REDIC1: variants seen among roughly 807,000 people sequenced by gnomAD.
REDIC1 encodes regulator of DNA class I crossover intermediates 1, also known as HEI10 Interacting Protein 1.
the REDIC1 span, among the ~76,000 whole-genome samples, chr12:39,701,235 G>A: frequency 0.02 from 3,104 of 152,236 alleles, 55 homozygotes; most frequent in South Asian, 0.029. Flanking sequence ...TAAAAGGATG[G>A]AGGAAGATCT....
the REDIC1 span, among the ~76,000 whole-genome samples, chr12:39,752,314 T>C: frequency 5.3e-5 from 8 of 152,086 alleles, no homozygotes; most frequent in Admixed American, 1.3e-4. Context: ...CAAACCCTAT[T>C]GTGAACTGTG....
the REDIC1 span, among the ~76,000 whole-genome samples, chr12:39,874,615 C>CAAAA: frequency 9.9e-6 from 1 of 101,092 alleles, no homozygotes. Flanking sequence ...AACTCCATCT[C>CAAAA]AAAAAAAAAA....
chr12:39,767,355 C>T, the REDIC1 span, among the ~76,000 whole-genome samples: 1 of 151,270 alleles, frequency 6.6e-6, no homozygotes, highest in East Asian at 2.0e-4. Flanking sequence ...AAATATTCTC[C>T]AAACTATGCT....
At chr12:39,815,145 G>A in the REDIC1 span, among the ~76,000 whole-genome samples, 4 of 152,104 alleles carry the variant, frequency 2.6e-5, no homozygotes, top group South Asian at 2.1e-4. Flanking sequence ...AATCAAAGTC[G>A]TTGGATTCCA....
At chr12:39,831,177 G>C in the REDIC1 span, among the ~76,000 whole-genome samples, 1 of 152,142 alleles carries the variant, frequency 6.6e-6, no homozygotes, top group Non-Finnish European at 1.5e-5. Flanking sequence ...AGGCAAGAAT[G>C]AGAAACAGAT....
the REDIC1 span, among the ~76,000 whole-genome samples, chr12:39,799,790 TACTAAAGCCTGG>T: frequency 2.0e-4 from 31 of 152,328 alleles, no homozygotes; most frequent in Admixed American, 1.8e-3. Flanking sequence ...ACATTCACAT[TACTAAAGCCTGG>T]CAACTGAGGA....
the REDIC1 span, among the ~76,000 whole-genome samples, chr12:39,862,271 A>G: frequency 6.6e-6 from 1 of 152,220 alleles, no homozygotes; most frequent in Middle Eastern, 3.2e-3. Context: ...CTAACCTACA[A>G]TATTTTTGGC....
chr12:39,855,569 G>A, the REDIC1 span, among the ~76,000 whole-genome samples: 1 of 152,190 alleles, frequency 6.6e-6, no homozygotes, highest in Non-Finnish European at 1.5e-5. Context: ...TGAGGAGGAA[G>A]GCTGTTTTTT....
chr12:39,747,866 C>G, the REDIC1 span, among the ~76,000 whole-genome samples: 6 of 152,138 alleles, frequency 3.9e-5, no homozygotes, highest in East Asian at 1.9e-4. Flanking sequence ...CCTTTACAGA[C>G]AAGCAAATGC....
the REDIC1 span, among the ~76,000 whole-genome samples, chr12:39,813,700 G>A: frequency 2.0e-5 from 3 of 152,304 alleles, no homozygotes; most frequent in Admixed American, 6.5e-5. Context: ...TTTTATTGGA[G>A]TAGTGGGGGA....
the REDIC1 span, among the ~76,000 whole-genome samples, chr12:39,732,877 A>G: frequency 1.3e-5 from 2 of 152,138 alleles, no homozygotes; most frequent in Non-Finnish European, 2.9e-5. Context: ...TGGCATGACA[A>G]GGTGTCTGGC....
the REDIC1 span, among the ~76,000 whole-genome samples, chr12:39,860,876 C>T: frequency 2.6e-5 from 4 of 152,146 alleles, no homozygotes; most frequent in Admixed American, 2.6e-4. Flanking sequence ...TGGTGGCACC[C>T]ACACCCACCC....
At chr12:39,803,489 T>C in the REDIC1 span, among the ~76,000 whole-genome samples, 5 of 152,040 alleles carry the variant, frequency 3.3e-5, no homozygotes, top group African/African-American at 1.2e-4. Context: ...AATTAAAAAA[T>C]AGCTACTGTA....
the REDIC1 span, among the ~76,000 whole-genome samples, chr12:39,669,811 G>A: frequency 6.6e-6 from 1 of 152,196 alleles, no homozygotes; most frequent in African/African-American, 2.4e-5. Flanking sequence ...TGCTGTGCTA[G>A]CTATGAGTGA....
chr12:39,889,157 A>G, the REDIC1 span, among the ~76,000 whole-genome samples: 1 of 152,142 alleles, frequency 6.6e-6, no homozygotes, highest in East Asian at 1.9e-4. Flanking sequence ...TTCATTTTAA[A>G]GTTTATTAGG....
the REDIC1 span, among the ~76,000 whole-genome samples, chr12:39,653,279 C>G: frequency 6.6e-6 from 1 of 151,710 alleles, no homozygotes; most frequent in African/African-American, 2.4e-5. Context: ...TCTTTTTATG[C>G]TTTCGTAAAT....
the REDIC1 span, among the ~76,000 whole-genome samples, chr12:39,772,718 TA>T: frequency 6.6e-6 from 1 of 152,226 alleles, no homozygotes; most frequent in African/African-American, 2.4e-5. Context: ...ATTTTCTATT[TA>T]CTCTTTTCGT....
At chr12:39,861,202 A>G in the REDIC1 span, among the ~76,000 whole-genome samples, 6 of 152,216 alleles carry the variant, frequency 3.9e-5, no homozygotes, top group East Asian at 1.2e-3. Context: ...GAGTGCCATC[A>G]TCCCAACTTC....
the REDIC1 span, chr12:39,758,739 A>G: frequency 2.6e-5 from 4 of 152,146 alleles, 1 homozygote; most frequent in African/African-American, 7.2e-5. Flanking sequence ...TTTTTACACA[A>G]GAAGGAAAAA....
Sources: gnomAD v4.1 joint callset for allele counts (sites outside exome capture counted in the v4.1 genomes callset) on GRCh38, gnomAD v4.1.1 for gene constraint, MANE v1.5 for transcripts, NCBI Gene and HGNC (gene_info 2026-07-23, HGNC 2026-07-21) for gene names.